UGT2B15: variants seen among roughly 807,000 people sequenced by gnomAD.
The protein encoded by UGT2B15 is UDP-glucuronosyltransferase 2B15.
A neutral mutation model predicts 45.9 loss-of-function variants in UGT2B15; 36 were observed. The ratio of observed to expected loss-of-function variants is 0.78; its 90% confidence interval spans 0.60 to 1.04. UGT2B15 has a LOEUF of 1.04. Ranked by LOEUF, UGT2B15 falls within the 50% of genes least tolerant of loss-of-function variation. The probability of loss-of-function intolerance (pLI) is 0.00; values close to 1 mark genes in which losing one functional copy is unlikely to be tolerated. For missense variants in UGT2B15, 617 were observed against 622.4 expected (o/e 0.99, Z 0.09); for synonymous variants, 219 against 216.4 (o/e 1.01, Z -0.11).
intron 5 of UGT2B15, among the ~76,000 whole-genome samples, chr4:68,647,978 T>A (rs1309180267): frequency 2.6e-5 from 4 of 152,046 alleles, no homozygotes; most frequent in Non-Finnish European, 4.4e-5. Flanking sequence ...TGCCTCTGCC[T>A]CCCAAAGTGT....
At chr4:68,658,108 A>G (rs1179664127) in intron 3 of UGT2B15, among the ~76,000 whole-genome samples, 1 of 152,034 alleles carries the variant, frequency 6.6e-6, no homozygotes, top group Non-Finnish European at 1.5e-5. Flanking sequence ...TTACCTATTG[A>G]AACAGGTTAT....
At chr4:68,654,300 T>C (rs2109823724) in intron 4 of UGT2B15, 44 bp from the exon 5 acceptor site, 1 of 1,594,054 alleles carries the variant, frequency 6.3e-7, no homozygotes. Context: ...TTACAAGGTA[T>C]GAGAATTGAA....
At chr4:68,647,715 T>C (rs1732523895) in intron 5 of UGT2B15, among the ~76,000 whole-genome samples, 1 of 152,040 alleles carries the variant, frequency 6.6e-6, no homozygotes, top group Non-Finnish European at 1.5e-5. Context: ...TTTGATCTTT[T>C]TAATTTTTTT....
chr4:68,646,769 T>C lies in UGT2B15; in HGVS notation c.*335A>G, dbSNP rs1732484365. 5.6e-6 allele frequency: 1 copy of C among 179,584 alleles called. No individual in the cohort carries two copies. The highest frequency in any genetic ancestry group is 1.2e-5 in the Non-Finnish European group (1 of 86,698). 11.1% of individuals were successfully genotyped at this position (179,584 alleles called of 1,614,324 possible). A position where few individuals can be genotyped will look rare whatever the true frequency, so the allele number is the denominator to read the frequency against. ...TTTTTTTAAATTATACTTTAAGTTT[T>C]AGGGTACATGTGCACAACGTGCAGG... On this transcript the variant is annotated 3_prime_UTR_variant, in exon 6 of 6. Coordinates refer to ENST00000338206, the MANE Select transcript of UGT2B15 (RefSeq NM_001076.4).
At position 68,669,936 on chromosome 4, in the gene UGT2B15, TAA is replaced by T. The variant is rs1578202272; in HGVS notation, c.681_682del (p.Tyr228Ter). 8.1e-6 allele frequency: 13 copies of T among 1,613,194 alleles called. No homozygotes were observed. Among genetic ancestry groups the T allele is most frequent in the Non-Finnish European group, 1.1e-5 (13 of 1,179,814 alleles). Reference sequence around the variant, plus strand: ...AAACTGGTCCCACTTCTTCAGATCATAAATTTGAAACCAAAAGTCAAAATAAA... The same window carrying T: ...AAACTGGTCCCACTTCTTCAGATCATATTTGAAACCAAAAGTCAAAATAAA... On this transcript the variant is annotated frameshift_variant, in exon 1 of 6. Coordinates refer to ENST00000338206, the MANE Select transcript of UGT2B15 (RefSeq NM_001076.4). LOFTEE classifies it high-confidence loss of function.
At chr4:68,663,360 T>C (rs1300931118) in intron 2 of UGT2B15, among the ~76,000 whole-genome samples, 1 of 152,042 alleles carries the variant, frequency 6.6e-6, no homozygotes, top group Non-Finnish European at 1.5e-5. Context: ...TGCATGTATG[T>C]ATGTGTGTGT....
At chr4:68,653,927 A>T in intron 5 of UGT2B15, 110 bp downstream of exon 5, 39 of 1,341,814 alleles carry the variant, frequency 2.9e-5, no homozygotes, top group African/African-American at 5.8e-5. Flanking sequence ...CATTGGTTAA[A>T]TCACTTCAAT....
intron 1 of UGT2B15, among the ~76,000 whole-genome samples, chr4:68,668,692 T>A (rs1733213142): frequency 1.4e-5 from 2 of 138,074 alleles, no homozygotes; most frequent in African/African-American, 5.2e-5. Context: ...CTGCTTGCAC[T>A]TCTCTCTCCT....
At chr4:68,662,749 A>G (rs1733002042) in intron 3 of UGT2B15, among the ~76,000 whole-genome samples, 1 of 148,552 alleles carries the variant, frequency 6.7e-6, no homozygotes, top group Non-Finnish European at 1.5e-5. Context: ...CGATACCATG[A>G]TAATACCAAA....
chr4:68,653,456 TA>T (rs1470868088), intron 5 of UGT2B15, among the ~76,000 whole-genome samples: 2 of 152,004 alleles, frequency 1.3e-5, no homozygotes, highest in Non-Finnish European at 2.9e-5. Flanking sequence ...AGAAACAAAG[TA>T]AGATGGTATT....
chr4:68,655,009 G>A, intron 4 of UGT2B15, 86 bp downstream of exon 4: 1 of 1,448,848 alleles, frequency 6.9e-7, no homozygotes, highest in Non-Finnish European at 9.5e-7. Context: ...AATAATAAAT[G>A]CTAAATATGT....
intron 3 of UGT2B15, among the ~76,000 whole-genome samples, chr4:68,662,328 C>T (rs867437073): frequency 2.0e-5 from 3 of 151,740 alleles, no homozygotes; most frequent in African/African-American, 7.3e-5. Flanking sequence ...CTATCTCCAT[C>T]CTTTCCATTA....
At chr4:68,655,258 T>A in intron 3 of UGT2B15, 76 bp from the exon 4 acceptor site, 1 of 1,499,204 alleles carries the variant, frequency 6.7e-7, no homozygotes, top group Non-Finnish European at 9.2e-7. Flanking sequence ...CTGAAGAGAT[T>A]AATAATCAGT....
At chr4:68,664,997 A>C (rs1339742241) in intron 2 of UGT2B15, among the ~76,000 whole-genome samples, 1 of 152,174 alleles carries the variant, frequency 6.6e-6, no homozygotes. Flanking sequence ...TGTCTCATTC[A>C]CTGCCAAAAG....
Position 68,668,154 on chromosome 4 carries a change from T to A in UGT2B15, c.759A>T (p.Lys253Asn). 1 of 1,613,572 alleles carries A rather than the reference T, an allele frequency of 6.2e-7. No individual in the cohort carries two copies. Among genetic ancestry groups the A allele is most frequent in the Non-Finnish European group, 8.5e-7 (1 of 1,179,652 alleles). Residue 253 changes from lysine to asparagine, a missense_variant, in exon 2 of 6, where the codon AAA becomes AAT. By Grantham distance (94) the Lys-to-Asn change is moderately conservative. Coordinates refer to ENST00000338206, the MANE Select transcript of UGT2B15 (RefSeq NM_001076.4). ...RPTTLFETMG[K>N]AEMWLIRTYW... ...AGGTTCGAATGAGCCACATTTCAGC[T>A]TTCCCCATTGTCTCAAATAATGTAG...
intron 1 of UGT2B15, among the ~76,000 whole-genome samples, chr4:68,668,675 AT>A (rs1227124069): frequency 7.9e-6 from 1 of 125,972 alleles, no homozygotes; most frequent in Non-Finnish European, 1.7e-5. Flanking sequence ...AGTGTCTAGT[AT>A]TTCCCCTGCT....
At chr4:68,665,328 A>G (rs1313258642) in intron 2 of UGT2B15, among the ~76,000 whole-genome samples, 1 of 152,064 alleles carries the variant, frequency 6.6e-6, no homozygotes, top group Admixed American at 6.6e-5. Context: ...TCTACTCATC[A>G]TTTTGTTCCT....
intron 4 of UGT2B15, 93 bp from the exon 5 acceptor site, chr4:68,654,349 T>C: frequency 1.5e-6 from 2 of 1,318,246 alleles, no homozygotes; most frequent in South Asian, 1.5e-5. Context: ...AGCAAAACTG[T>C]TCCCTAGGTA....
rs1733286954 is a variant in UGT2B15, at chr4:68,670,636, C to T, written c.-18G>A. The T allele has an allele frequency of 3.9e-6, 6 of 1,533,372 alleles. No homozygotes were observed. The East Asian group carries it at 9.1e-5, about 23-fold the overall frequency. 95.0% of individuals were successfully genotyped at this position (1,533,372 alleles called of 1,614,324 possible). A position where few individuals can be genotyped will look rare whatever the true frequency, so the allele number is the denominator to read the frequency against. On this transcript the variant is annotated 5_prime_UTR_variant, in exon 1 of 6. Transcript: ENST00000338206. ...AGAGACATCCTGGTCTTATGCAATG[C>T]TTCTTTTCCAGTTGTTGTTTCTTTC...
Sources: allele counts gnomAD v4.1 joint callset (sites outside exome capture counted in the v4.1 genomes callset), GRCh38; gene constraint gnomAD v4.1.1; transcripts MANE v1.5; gene names NCBI Gene and HGNC (gene_info 2026-07-23, HGNC 2026-07-21).